RGS6: variants seen among roughly 807,000 people sequenced by gnomAD.
RGS6 encodes regulator of G protein signaling 6.
In RGS6, 30 loss-of-function variants were observed where a neutral mutation model predicts 78.5. The ratio of observed to expected loss-of-function variants is 0.38; its 90% CI spans 0.29 to 0.52. RGS6 has a LOEUF of 0.52. RGS6 is among the 20% of genes least tolerant of loss of function. RGS6 has a pLI of 0.85. For missense variants in RGS6, 495 were observed against 609.7 expected, an observed-to-expected ratio of 0.81 and a Z score of 1.98; for synonymous variants, 206 against 206.0, an observed-to-expected ratio of 1.00 and a Z score of 0.00.
At chr14:71,884,686 C>T in the RGS6 span, among the ~76,000 whole-genome samples, 1 of 152,038 alleles carries the variant, frequency 6.6e-6, no homozygotes, top group Non-Finnish European at 1.5e-5. Flanking sequence ...AGGTCTATTC[C>T]TTTTTAGTGG....
At chr14:72,385,498 A>G (rs965578039) in intron 3 of RGS6, among the ~76,000 whole-genome samples, 4 of 152,212 alleles carry the variant, frequency 2.6e-5, no homozygotes, top group African/African-American at 9.6e-5. Flanking sequence ...TATATTCCTT[A>G]AACATATAGT....
At chr14:72,014,454 C>T (rs2086535097) in intron 2 of RGS6, among the ~76,000 whole-genome samples, 1 of 152,176 alleles carries the variant, frequency 6.6e-6, no homozygotes. Flanking sequence ...AATACTCATT[C>T]TTTGTATGAG....
At chr14:72,113,072 A>ACACGCATG (rs1555490328) in intron 2 of RGS6, among the ~76,000 whole-genome samples, 4 of 113,882 alleles carry the variant, frequency 3.5e-5, no homozygotes, top group Non-Finnish European at 8.1e-5. Flanking sequence ...TTACACACAC[A>ACACGCATG]CACACGCATG....
intron 6 of RGS6, among the ~76,000 whole-genome samples, chr14:72,462,815 G>A (rs2095815375): frequency 1.3e-5 from 2 of 152,122 alleles, no homozygotes; most frequent in Admixed American, 1.3e-4. Context: ...TAAATGAGGG[G>A]CCTGTACTTG....
intron 12 of RGS6, among the ~76,000 whole-genome samples, chr14:72,481,481 G>T (rs1169852394): frequency 6.6e-6 from 1 of 152,154 alleles, no homozygotes; most frequent in Non-Finnish European, 1.5e-5. Flanking sequence ...ACCTTGCACT[G>T]CATGTCTCCT....
chr14:72,472,453 A>G (rs1166668218), intron 8 of RGS6, among the ~76,000 whole-genome samples: 1 of 152,228 alleles, frequency 6.6e-6, no homozygotes. Context: ...TCAAATTTGA[A>G]CATGGAACAC....
intron 17 of RGS6, chr14:72,541,123 C>T (rs189618223): frequency 4.4e-6 from 6 of 1,365,912 alleles, no homozygotes; most frequent in Non-Finnish European, 5.8e-6. Flanking sequence ...GGGTCCCATG[C>T]AGGGAGCTGG....
chr14:72,074,662 T>C (rs1416282055), intron 2 of RGS6, among the ~76,000 whole-genome samples: 1 of 151,680 alleles, frequency 6.6e-6, no homozygotes, highest in Admixed American at 6.6e-5. Flanking sequence ...AGCATCTACA[T>C]GCTCAATGCT....
At chr14:72,244,815 A>G (rs1044857757) in intron 2 of RGS6, among the ~76,000 whole-genome samples, 2 of 112,676 alleles carry the variant, frequency 1.8e-5, no homozygotes, top group African/African-American at 6.8e-5. Flanking sequence ...ATTAAAATCA[A>G]CTAAAAATTG....
intron 2 of RGS6, among the ~76,000 whole-genome samples, chr14:72,104,826 A>G (rs1296380922): frequency 6.6e-6 from 1 of 152,150 alleles, no homozygotes; most frequent in African/African-American, 2.4e-5. Context: ...TTTGGTACAG[A>G]GGGGCAGGGG....
In RGS6 at chr14:72,130,192, T is replaced by C. The variant is rs533638494; in HGVS notation, c.84+165317T>C. ...AATTGAACAACCAGCTGAGAATTTA[T>C]GTAGGGTGAGGGCCAGAAGGGTCTT... On this transcript the variant is annotated intron_variant, in intron 2 of 17. Coordinates refer to ENST00000553525, the MANE Select transcript of RGS6 (RefSeq NM_001204424.2). Among the ~76,000 whole-genome samples, 11 of 152,310 alleles carry C rather than the reference T, an allele frequency of 7.2e-5. 1 individual carries two copies. The South Asian group carries it at 2.3e-3, about 32-fold the overall frequency.
At chr14:72,316,393 C>T (rs562074070) in intron 2 of RGS6, among the ~76,000 whole-genome samples, 7 of 152,258 alleles carry the variant, frequency 4.6e-5, no homozygotes, top group South Asian at 2.1e-4. Context: ...CCCATGCACC[C>T]ACCCCACAAC....
At chr14:72,066,199 T>C (rs1471027552) in intron 2 of RGS6, among the ~76,000 whole-genome samples, 1 of 152,140 alleles carries the variant, frequency 6.6e-6, no homozygotes, top group Non-Finnish European at 1.5e-5. Context: ...GCCTTAGAAG[T>C]ACTTTTGTGG....
chr14:72,187,845 G>A (rs1293418939), intron 2 of RGS6, among the ~76,000 whole-genome samples: 1 of 151,348 alleles, frequency 6.6e-6, no homozygotes, highest in Non-Finnish European at 1.5e-5. Context: ...CAAAATCAAT[G>A]CTCACTGTGC....
At chr14:72,313,269 A>G (rs932756247) in intron 2 of RGS6, among the ~76,000 whole-genome samples, 7 of 152,198 alleles carry the variant, frequency 4.6e-5, no homozygotes, top group Non-Finnish European at 8.8e-5. Flanking sequence ...CCCTTGTTCA[A>G]GCATATTAAG....
the RGS6 span, among the ~76,000 whole-genome samples, chr14:72,608,567 T>G: frequency 6.6e-6 from 1 of 152,128 alleles, no homozygotes; most frequent in Admixed American, 6.5e-5. Flanking sequence ...GTGAGTCATC[T>G]CTGATTCATC....
At chr14:72,549,732 C>T (rs1394218620) in intron 17 of RGS6, among the ~76,000 whole-genome samples, 1 of 152,168 alleles carries the variant, frequency 6.6e-6, no homozygotes, top group Non-Finnish European at 1.5e-5. Flanking sequence ...TGTGGTGGCA[C>T]ATGCCTATAA....
intron 3 of RGS6, among the ~76,000 whole-genome samples, chr14:72,384,520 G>A (rs1473091738): frequency 6.6e-6 from 1 of 152,096 alleles, no homozygotes; most frequent in Non-Finnish European, 1.5e-5. Context: ...TGTACTGTTT[G>A]CATACGTTTC....
chr14:72,338,572 G>A (rs547933534), intron 2 of RGS6, among the ~76,000 whole-genome samples: 2 of 152,348 alleles, frequency 1.3e-5, no homozygotes, highest in South Asian at 2.1e-4. Flanking sequence ...CAGAATTAGT[G>A]CAGAGTTGGT....
Sources: allele counts gnomAD v4.1 joint callset (sites outside exome capture counted in the v4.1 genomes callset), GRCh38; gene constraint gnomAD v4.1.1; transcripts MANE v1.5; gene names NCBI Gene and HGNC (gene_info 2026-07-23, HGNC 2026-07-21).